Variants in HJURP observed in about 807,000 individuals in gnomAD.
HJURP encodes the protein Holliday junction recognition protein.
Under a neutral mutation model 72.0 loss-of-function variants are expected in HJURP, and 49 were observed. The observed-to-expected ratio is 0.68, with a 90% CI of 0.54 to 0.86. The LOEUF (loss-of-function observed/expected upper bound fraction) is 0.86, where lower values mean the gene tolerates loss of function less well. Ranked by LOEUF, HJURP falls within the 40% of genes least tolerant of loss-of-function variation. The pLI is 0.00. For missense variants in HJURP, 908 were observed against 936.3 expected (o/e 0.97, Z 0.39); for synonymous variants, 357 against 347.1 (o/e 1.03, Z -0.32).
Position 233,841,919 on chromosome 2 carries a change from C to T in HJURP, c.861G>A (p.Thr287=), listed in dbSNP as rs768315577. 19 of 1,614,052 alleles carry T rather than the reference C, an allele frequency of 1.2e-5. No individual in the cohort carries two copies. In the Admixed American group the frequency reaches 2.0e-4, roughly 17 times the overall value. ...TGGAGTTCCAGTTTTGCATGATGAA[C>T]GTTTTGGTGGAGATGATGCTTGATG... ...TKPSSIISTK[T]FIMQNWNSRR... is the part of the protein sequence containing the mutation. The change falls in exon 8 of 9, where the codon ACG becomes ACA. Residue 287 remains threonine, a synonymous_variant. Transcript: ENST00000411486.
chr2:233,840,299 G>A (rs1039835339), intron 8 of HJURP, among the ~76,000 whole-genome samples: 1 of 152,144 alleles, frequency 6.6e-6, no homozygotes, highest in African/African-American at 2.4e-5. Flanking sequence ...TGACAAAGAC[G>A]AATAAAGCGT....
intron 7 of HJURP, among the ~76,000 whole-genome samples, chr2:233,842,643 CAA>C (rs59622452): frequency 1.1e-3 from 166 of 147,994 alleles, no homozygotes; most frequent in African/African-American, 4.0e-3. Context: ...TGAACACAAA[CAA>C]AAAAAAAATC....
At chr2:233,843,440 T>C (rs1705281125) in intron 7 of HJURP, among the ~76,000 whole-genome samples, 2 of 152,108 alleles carry the variant, frequency 1.3e-5, no homozygotes, top group African/African-American at 2.4e-5. Context: ...TGACCAAATG[T>C]TCTGAGAGGA....
intron 2 of HJURP, among the ~76,000 whole-genome samples, chr2:233,853,450 G>C (rs1041280008): frequency 6.6e-6 from 1 of 152,214 alleles, no homozygotes; most frequent in African/African-American, 2.4e-5. Flanking sequence ...CACAGTGCGG[G>C]GCGGGGTACT....
At chr2:233,840,548 G>T in intron 8 of HJURP, 61 bp downstream of exon 8, 1 of 1,474,848 alleles carries the variant, frequency 6.8e-7, no homozygotes. Context: ...ACCATAAAAA[G>T]CCTCTGTCCA....
intron 3 of HJURP, among the ~76,000 whole-genome samples, chr2:233,852,178 A>C (rs912584181): frequency 2.0e-5 from 3 of 152,216 alleles, no homozygotes; most frequent in African/African-American, 4.8e-5. Context: ...GAAGAGAGAC[A>C]TTCTTCTTCC....
chr2:233,847,336 G>T, intron 5 of HJURP, 61 bp downstream of exon 5: 1 of 1,327,596 alleles, frequency 7.5e-7, no homozygotes, highest in Non-Finnish European at 1.1e-6. Context: ...CATGGGCTTT[G>T]ATGGACCCCT....
At chr2:233,844,971 CCCCT>C (rs373684942) in intron 6 of HJURP, among the ~76,000 whole-genome samples, 1 of 147,096 alleles carries the variant, frequency 6.8e-6, no homozygotes, top group African/African-American at 2.5e-5. Context: ...TCACATCCCC[CCCCT>C]CCCAACATGA....
rs970306163 is a variant in HJURP, at chr2:233,847,754, C to T, written c.338-293G>A. The stretch of plus-strand genomic sequence containing the variant: ...TGAGACGCTCAAGCCCAGCACTGCT[C>T]GACAGAACTTCCGGTGACCATGGAA... On this transcript the variant is annotated intron_variant, in intron 4 of 8. Transcript: ENST00000411486. Among the ~76,000 whole-genome samples, 16 of 152,308 alleles carry T rather than the reference C, an allele frequency of 1.1e-4. No individual in the cohort carries two copies. The East Asian group carries it at 1.2e-3, about 11-fold the overall frequency.
intron 6 of HJURP, 93 bp from the exon 7 acceptor site, chr2:233,844,376 A>T (rs904757881): frequency 1.1e-5 from 10 of 876,024 alleles, no homozygotes; most frequent in African/African-American, 3.3e-5. Context: ...CGGACTGTGC[A>T]TCTTAGCACA....
intron 8 of HJURP, among the ~76,000 whole-genome samples, chr2:233,838,681 G>A (rs956444058): frequency 3.3e-5 from 5 of 152,128 alleles, no homozygotes; most frequent in African/African-American, 1.2e-4. Context: ...TCTCTCTCTG[G>A]GCCGGACAGT....
intron 7 of HJURP, among the ~76,000 whole-genome samples, chr2:233,843,621 T>C (rs1383755634): frequency 6.6e-6 from 1 of 152,128 alleles, no homozygotes; most frequent in Non-Finnish European, 1.5e-5. Flanking sequence ...GGAGCCGCTC[T>C]TGATGGAGGG....
intron 1 of HJURP, 35 bp from the exon 2 acceptor site, chr2:233,853,945 A>C: frequency 6.3e-7 from 1 of 1,594,820 alleles, no homozygotes; most frequent in Non-Finnish European, 8.6e-7. Flanking sequence ...GTCAGGTTCC[A>C]GGGCCACGAG....
At position 233,853,919 on chromosome 2, in the gene HJURP, G is replaced by A; in HGVS notation, c.118-9C>T. On this transcript the variant is annotated splice_polypyrimidine_tract_variant and intron_variant, in intron 1 of 8. Coordinates refer to ENST00000411486, the MANE Select transcript of HJURP (RefSeq NM_018410.5). ...TCGAAGGGCTGGTTGTACTGCGGAG[G>A]AGGAAGGGGCTTCCTGTCAGGTTCC... 2 of 1,613,488 alleles carry A rather than the reference G, an allele frequency of 1.2e-6. No homozygotes were observed. Among genetic ancestry groups the A allele is most frequent in the Non-Finnish European group, 1.7e-6 (2 of 1,179,678 alleles).
At chr2:233,838,044 T>C in intron 8 of HJURP, among the ~76,000 whole-genome samples, 1 of 152,180 alleles carries the variant, frequency 6.6e-6, no homozygotes, top group Non-Finnish European at 1.5e-5. Flanking sequence ...TGAAAGAAGA[T>C]AAGACGTAAA....
chr2:233,846,297 C>T lies in HJURP; in HGVS notation c.403-477G>A, dbSNP rs527782716. ...GTGAAAGTCCATCTCTACTACAATA[C>T]AAAAATTAGCTGGGCATGGTGGTGG... On this transcript the variant is annotated intron_variant, in intron 5 of 8. Coordinates refer to ENST00000411486, the MANE Select transcript of HJURP (RefSeq NM_018410.5). The surrounding 1 kb of genome is among the most constrained non-coding windows in gnomAD (Gnocchi z 4.3). Among the ~76,000 whole-genome samples, 1,179 of 152,112 alleles carry T rather than the reference C, an allele frequency of 7.8e-3. 14 individuals carry two copies. Among genetic ancestry groups the T allele is most frequent in the Non-Finnish European group, 0.014 (971 of 67,984 alleles).
At position 233,854,486 on chromosome 2, in the gene HJURP, C is replaced by T; in HGVS notation, c.15G>A (p.Leu5=). Residue 5 remains leucine (L), a synonymous_variant, in exon 1 of 9, where the codon CTG becomes CTA. Coordinates refer to ENST00000411486, the MANE Select transcript of HJURP (RefSeq NM_018410.5). The part of the protein sequence containing the change: MLGT[L]RAMEGEDVED... ...CCACGTCCTCGCCCTCCATGGCGCG[C>T]AGCGTACCCAGCATCGGACCCAGCC... The T allele has an allele frequency of 6.2e-7, 1 of 1,611,576 alleles. No individual in the cohort carries two copies. Among genetic ancestry groups the T allele is most frequent in the Non-Finnish European group, 8.5e-7 (1 of 1,178,788 alleles).
At chr2:233,848,666 G>A (rs1334896238) in intron 4 of HJURP, among the ~76,000 whole-genome samples, 3 of 152,236 alleles carry the variant, frequency 2.0e-5, no homozygotes, top group Non-Finnish European at 4.4e-5. Context: ...TGGGGAGCCT[G>A]TCTGTCGGGC....
At chr2:233,850,281 A>C (rs1705468188) in intron 3 of HJURP, among the ~76,000 whole-genome samples, 1 of 152,228 alleles carries the variant, frequency 6.6e-6, no homozygotes, top group African/African-American at 2.4e-5. Flanking sequence ...ATCTTTAAAG[A>C]ATATGCTGGA....
Sources: allele counts gnomAD v4.1 joint callset (sites outside exome capture counted in the v4.1 genomes callset), GRCh38; gene constraint gnomAD v4.1.1; non-coding constraint Gnocchi (gnomAD v3.1); transcripts MANE v1.5; gene names NCBI Gene and HGNC (gene_info 2026-07-23, HGNC 2026-07-21).